Variants in FAM13B observed in about 807,000 individuals in gnomAD.
The protein encoded by FAM13B is protein FAM13B.
Under a neutral mutation model 117.3 loss-of-function variants are expected in FAM13B, and 60 were observed. That is an observed-to-expected ratio of 0.51 (90% CI 0.42 to 0.63). FAM13B has a LOEUF of 0.63. FAM13B is among the 30% of genes least tolerant of loss of function. The pLI, the probability that FAM13B is intolerant of heterozygous loss-of-function variation, is 0.00. For missense variants in FAM13B, 972 were observed against 1,091.9 expected, an observed-to-expected ratio of 0.89 and a Z score of 1.55; for synonymous variants, 332 against 356.1, an observed-to-expected ratio of 0.93 and a Z score of 0.76.
chr5:137,974,458 G>A (rs1333162048), intron 10 of FAM13B, among the ~76,000 whole-genome samples: 3 of 103,732 alleles, frequency 2.9e-5, no homozygotes, highest in Non-Finnish European at 5.5e-5. Context: ...GGAGACTGTT[G>A]TGGGGTGGGG....
intron 1 of FAM13B, chr5:138,038,656 G>A (rs1389030654): frequency 6.6e-6 from 1 of 152,206 alleles, no homozygotes; most frequent in Admixed American, 6.5e-5. Flanking sequence ...CAGTGTGCAA[G>A]AATGTGTGTT....
intron 4 of FAM13B, 38 bp downstream of exon 4, chr5:138,018,264 C>T (rs1452366229): frequency 6.7e-7 from 1 of 1,498,632 alleles, no homozygotes; most frequent in Non-Finnish European, 9.3e-7. Flanking sequence ...AGGAAATTAA[C>T]AACAAATGAC....
At chr5:137,966,652 G>T (rs1015551309) in intron 10 of FAM13B, among the ~76,000 whole-genome samples, 1 of 151,666 alleles carries the variant, frequency 6.6e-6, no homozygotes, top group Non-Finnish European at 1.5e-5. Context: ...ACTTATCATC[G>T]TATGTCATTA....
chr5:138,032,279 T>C (rs1790284986), intron 1 of FAM13B, among the ~76,000 whole-genome samples: 2 of 152,178 alleles, frequency 1.3e-5, no homozygotes, highest in Admixed American at 1.3e-4. Flanking sequence ...CAATTTTGGC[T>C]ATATTCTCTG....
chr5:137,997,474 AAT>A (rs376080066), intron 7 of FAM13B, among the ~76,000 whole-genome samples: 10 of 149,762 alleles, frequency 6.7e-5, no homozygotes, highest in Non-Finnish European at 7.4e-5. Flanking sequence ...CATCTCAAAA[AAT>A]ATATATATAT....
At chr5:137,951,209 CAAAAAA>C (rs1158310740) in intron 17 of FAM13B, among the ~76,000 whole-genome samples, 10 of 63,244 alleles carry the variant, frequency 1.6e-4, no homozygotes, top group Middle Eastern at 0.017. Flanking sequence ...CTGTCTCAAA[CAAAAAA>C]AAAAAAAAAA....
intron 4 of FAM13B, among the ~76,000 whole-genome samples, chr5:138,016,468 TA>T: frequency 6.6e-6 from 1 of 151,988 alleles, no homozygotes; most frequent in Middle Eastern, 3.4e-3. Flanking sequence ...CTACAAAACA[TA>T]AAAAATTTTA....
At chr5:138,017,410 A>G (rs1300226753) in intron 4 of FAM13B, among the ~76,000 whole-genome samples, 1 of 152,232 alleles carries the variant, frequency 6.6e-6, no homozygotes. Flanking sequence ...CAGCTGTGAT[A>G]GAGATAGGCA....
chr5:137,971,753 G>A (rs1349216860), intron 10 of FAM13B, among the ~76,000 whole-genome samples: 6 of 146,794 alleles, frequency 4.1e-5, no homozygotes, highest in African/African-American at 1.2e-4. Context: ...GAATCAAATA[G>A]ACGCAATAAA....
At chr5:138,030,410 CTTT>C (rs59704298) in intron 1 of FAM13B, among the ~76,000 whole-genome samples, 3 of 135,452 alleles carry the variant, frequency 2.2e-5, no homozygotes, top group Non-Finnish European at 3.1e-5. Context: ...CCATGCCTGG[CTTT>C]TTTTTTTTTT....
intron 7 of FAM13B, among the ~76,000 whole-genome samples, chr5:137,993,983 TAA>T (rs1779260373): frequency 6.6e-6 from 1 of 152,098 alleles, no homozygotes. Context: ...CCAAAAAGAA[TAA>T]AGTTTAATAA....
At chr5:137,946,135 C>A in intron 19 of FAM13B, 93 bp downstream of exon 19, 1 of 1,306,904 alleles carries the variant, frequency 7.7e-7, no homozygotes, top group South Asian at 1.3e-5. Context: ...AAATAATGCT[C>A]AAAAAACAGC....
intron 1 of FAM13B, among the ~76,000 whole-genome samples, chr5:138,023,847 A>AC (rs1787460863): frequency 1.3e-5 from 2 of 152,310 alleles, no homozygotes; most frequent in South Asian, 4.1e-4. Flanking sequence ...GGCATGATCC[A>AC]CCATGCCCGG....
At chr5:137,953,493 T>C (rs1765600686) in intron 15 of FAM13B, 28 bp from the exon 16 acceptor site, 1 of 1,610,388 alleles carries the variant, frequency 6.2e-7, no homozygotes. Flanking sequence ...GCCAACACTG[T>C]TAAATTTTCA....
chr5:138,008,523 C>T (rs1175978744), intron 6 of FAM13B, among the ~76,000 whole-genome samples: 1 of 152,186 alleles, frequency 6.6e-6, no homozygotes, highest in South Asian at 2.1e-4. Context: ...CCCTACTTGT[C>T]CCTAACTTTC....
chr5:138,010,861 AC>A, intron 6 of FAM13B, 146 bp downstream of exon 6: 1 of 789,258 alleles, frequency 1.3e-6, no homozygotes, highest in Middle Eastern at 3.9e-4. Context: ...TGAATGTGCC[AC>A]CTACTGATTA....
chr5:138,011,114 T>G lies in FAM13B; in HGVS notation c.584A>C (p.Glu195Ala), dbSNP rs564805502. ...YTDVEDMKEQ[E>A]IVSRIMAGLL... is the part of the protein sequence containing the mutation. ...TCCAGCCATTATCCTGCTCACTATT[T>G]CTTGCTCTTTCATGTCTTCCACATC... Residue 195 changes from glutamate to alanine, a missense_variant, in exon 6 of 24, where the codon GAA becomes GCA. Coordinates refer to ENST00000689681, the MANE Select transcript of FAM13B (RefSeq NM_001385994.1). The G allele has an allele frequency of 6.2e-6, 10 of 1,607,836 alleles. No homozygotes were observed. In the Admixed American group the frequency reaches 8.6e-5, roughly 14 times the overall value.
intron 18 of FAM13B, 146 bp downstream of exon 18, chr5:137,948,809 G>T: frequency 1.6e-6 from 1 of 642,654 alleles, no homozygotes; most frequent in Non-Finnish European, 2.7e-6. Flanking sequence ...CTGTTATGCT[G>T]ATTAAATCAT....
chr5:137,980,268 T>C (rs981446315), intron 10 of FAM13B, among the ~76,000 whole-genome samples: 6 of 151,854 alleles, frequency 4.0e-5, no homozygotes, highest in African/African-American at 1.5e-4. Flanking sequence ...CCAACTGAAC[T>C]AACTTATTCA....
Sources: gnomAD v4.1 joint callset for allele counts (sites outside exome capture counted in the v4.1 genomes callset) on GRCh38, gnomAD v4.1.1 for gene constraint, MANE v1.5 for transcripts, NCBI Gene and HGNC (gene_info 2026-07-23, HGNC 2026-07-21) for gene names.